Variants in EML4 observed in about 807,000 individuals in gnomAD.
EML4 encodes echinoderm microtubule-associated protein-like 4.
In EML4, 72 loss-of-function variants were observed where a neutral mutation model predicts 129.0. The observed-to-expected ratio is 0.56, with a 90% confidence interval of 0.46 to 0.68. EML4 has a LOEUF of 0.68. Among genes scored for constraint, EML4 ranks in the 30% least tolerant of loss-of-function variants. EML4 has a pLI of 0.00. For missense variants in EML4, 1,363 were observed against 1,190.6 expected (o/e 1.14, Z -2.13); for synonymous variants, 532 against 405.0 (o/e 1.31, Z -3.77).
At position 42,220,236 on chromosome 2, in the gene EML4, A is replaced by AT. The variant is rs56896362; in HGVS notation, c.26-25248dup. On this transcript the variant is annotated intron_variant, in intron 1 of 22. Coordinates refer to ENST00000318522, the MANE Select transcript of EML4 (RefSeq NM_019063.5). ...TACTCTTGCACTTTGCAGATACTGT[A>AT]TTTTTTTTTTTTTTTTTTTTTACAA... 5.3e-3 allele frequency among the ~76,000 whole-genome samples: 749 copies of AT among 140,126 alleles called. 7 individuals are homozygous for AT. Among genetic ancestry groups the AT allele is most frequent in the Middle Eastern group, 0.051 (14 of 272 alleles). The allele number at this position is 140,126 out of a possible 152,430, so 91.9% of individuals were successfully genotyped here.
chr2:42,297,451 C>G (rs1170141186), intron 13 of EML4, among the ~76,000 whole-genome samples: 1 of 152,132 alleles, frequency 6.6e-6, no homozygotes, highest in Admixed American at 6.6e-5. Flanking sequence ...GTGGCTCAAC[C>G]TCTCTACATA....
At chr2:42,214,468 A>G (rs1047483328) in intron 1 of EML4, among the ~76,000 whole-genome samples, 1 of 152,086 alleles carries the variant, frequency 6.6e-6, no homozygotes, top group Admixed American at 6.5e-5. Flanking sequence ...TAATTCATTG[A>G]AAATGAATGT....
chr2:42,222,420 A>G (rs1232161258), intron 1 of EML4, among the ~76,000 whole-genome samples: 2 of 152,170 alleles, frequency 1.3e-5, no homozygotes, highest in African/African-American at 2.4e-5. Context: ...CATTAAAGTT[A>G]TATGAATTCT....
chr2:42,210,328 C>T (rs1159438836), intron 1 of EML4, among the ~76,000 whole-genome samples: 1 of 152,096 alleles, frequency 6.6e-6, no homozygotes, highest in Non-Finnish European at 1.5e-5. Flanking sequence ...GAATGTCCCT[C>T]TTTTGGAATT....
intron 1 of EML4, among the ~76,000 whole-genome samples, chr2:42,207,655 T>G (rs1312581806): frequency 6.6e-6 from 1 of 152,228 alleles, no homozygotes; most frequent in Non-Finnish European, 1.5e-5. Flanking sequence ...GTAAGTGGTC[T>G]TTATACTTAT....
chr2:42,320,373 G>A (rs774398797), intron 19 of EML4, among the ~76,000 whole-genome samples: 1 of 150,756 alleles, frequency 6.6e-6, no homozygotes, highest in Non-Finnish European at 1.5e-5. Flanking sequence ...AGAGTCATCT[G>A]ACCTAGTTTT....
intron 8 of EML4, 25 bp downstream of exon 8, chr2:42,282,997 AT>A: frequency 1.3e-6 from 2 of 1,555,084 alleles, no homozygotes; most frequent in East Asian, 2.3e-5. Context: ...ACATTGGTTC[AT>A]TTTTGTTCTT....
At chr2:42,286,431 G>C in intron 10 of EML4, 52 bp downstream of exon 10, 1 of 1,123,286 alleles carries the variant, frequency 8.9e-7, no homozygotes, top group Non-Finnish European at 1.4e-6. Flanking sequence ...AAGCAGGAAA[G>C]AAGTTAAGCT....
intron 11 of EML4, among the ~76,000 whole-genome samples, chr2:42,292,243 A>T (rs1667690149): frequency 6.6e-6 from 1 of 152,182 alleles, no homozygotes; most frequent in Admixed American, 6.6e-5. Context: ...TATTTGACAT[A>T]ACCTAAAGTC....
At chr2:42,286,159 T>G in intron 9 of EML4, 110 bp from the exon 10 acceptor site, 1 of 736,232 alleles carries the variant, frequency 1.4e-6, no homozygotes, top group South Asian at 1.4e-5. Context: ...AGTAATTTAT[T>G]AGAAGCTTAT....
At chr2:42,174,311 GA>G (rs1670445059) in intron 1 of EML4, among the ~76,000 whole-genome samples, 1 of 152,206 alleles carries the variant, frequency 6.6e-6, no homozygotes, top group South Asian at 2.1e-4. Context: ...GTGTGTGTCT[GA>G]CGGAGTCTTG....
At chr2:42,295,290 G>A (rs777829447) in intron 12 of EML4, 31 bp downstream of exon 12, 3 of 1,605,258 alleles carry the variant, frequency 1.9e-6, no homozygotes, top group African/African-American at 2.7e-5. Flanking sequence ...ATGTCATTAG[G>A]TGTATAAGAC....
chr2:42,196,426 A>T (rs977026503), intron 1 of EML4, among the ~76,000 whole-genome samples: 1 of 152,190 alleles, frequency 6.6e-6, no homozygotes, highest in Non-Finnish European at 1.5e-5. Context: ...TGGACACAGC[A>T]TCTGTTTCTA....
chr2:42,284,676 G>T lies in EML4; in HGVS notation c.984G>T (p.Gln328His). Residue 328 changes from glutamine to histidine, a missense_variant, in exon 9 of 23, where the codon CAG (glutamine) becomes CAT (histidine). Gln to His is a conservative substitution (Grantham distance 24). Coordinates refer to ENST00000318522, the MANE Select transcript of EML4 (RefSeq NM_019063.5). ...HPDKIRIATG[Q>H]IAGVDKDGRP... ...ACAAAATTAGGATTGCAACTGGACA[G>T]ATAGCTGGCGTGGATAAAGATGGAA... The T allele has an allele frequency of 6.2e-7, 1 of 1,612,784 alleles. No homozygotes were observed. The highest frequency in any genetic ancestry group is 8.5e-7 in the Non-Finnish European group (1 of 1,179,326).
At chr2:42,195,398 C>G (rs1032313049) in intron 1 of EML4, among the ~76,000 whole-genome samples, 2 of 151,922 alleles carry the variant, frequency 1.3e-5, no homozygotes, top group African/African-American at 4.8e-5. Context: ...CTAAAATAAG[C>G]AAAAATAAAT....
At chr2:42,262,185 A>G (rs929004421) in intron 4 of EML4, among the ~76,000 whole-genome samples, 2 of 152,162 alleles carry the variant, frequency 1.3e-5, no homozygotes, top group Admixed American at 6.6e-5. Flanking sequence ...TATTTGATCA[A>G]TTTAATATTT....
intron 1 of EML4, among the ~76,000 whole-genome samples, chr2:42,195,661 G>A (rs1476026412): frequency 3.3e-5 from 5 of 152,160 alleles, no homozygotes; most frequent in Non-Finnish European, 7.4e-5. Context: ...TTAAGAGGCT[G>A]AATTTGAATT....
At chr2:42,307,760 T>A (rs1668692204) in intron 17 of EML4, among the ~76,000 whole-genome samples, 1 of 152,222 alleles carries the variant, frequency 6.6e-6, no homozygotes, top group Non-Finnish European at 1.5e-5. Context: ...CTCAAGCGAT[T>A]CTTTAGCCTC....
At chr2:42,189,033 T>C (rs751447023) in intron 1 of EML4, among the ~76,000 whole-genome samples, 5 of 152,090 alleles carry the variant, frequency 3.3e-5, no homozygotes, top group Admixed American at 6.5e-5. Context: ...TCTGAGCCTT[T>C]TTGTTTAAGT....
Sources: gnomAD v4.1 joint callset for allele counts (sites outside exome capture counted in the v4.1 genomes callset) on GRCh38, gnomAD v4.1.1 for gene constraint, MANE v1.5 for transcripts, NCBI Gene and HGNC (gene_info 2026-07-23, HGNC 2026-07-21) for gene names.